Variants in SYNDIG1L observed in about 807,000 individuals in gnomAD.
SYNDIG1L encodes synapse differentiation-inducing gene protein 1-like.
Under a neutral mutation model 20.1 loss-of-function variants are expected in SYNDIG1L, and 13 were observed. The ratio of observed to expected loss-of-function variants is 0.65; its 90% CI spans 0.42 to 1.03. The LOEUF is 1.03. Among genes scored for constraint, SYNDIG1L ranks in the 50% least tolerant of loss-of-function variants. The pLI is 0.00. For missense variants in SYNDIG1L, 294 were observed against 305.1 expected, an observed-to-expected ratio of 0.96 and a Z score of 0.27; for synonymous variants, 128 against 129.3, an observed-to-expected ratio of 0.99 and a Z score of 0.07.
chr14:74,430,424 C>A (rs911053318), upstream of SYNDIG1L, among the ~76,000 whole-genome samples: 1 of 142,216 alleles, frequency 7.0e-6, no homozygotes, highest in Non-Finnish European at 1.5e-5. Context: ...TGAAAATGAG[C>A]GGAAGAATAC....
the SYNDIG1L span, among the ~76,000 whole-genome samples, chr14:74,431,603 C>A: frequency 6.6e-6 from 1 of 152,134 alleles, no homozygotes; most frequent in South Asian, 2.1e-4. Flanking sequence ...AATGACTGGG[C>A]AAGATTTGAA....
the SYNDIG1L span, among the ~76,000 whole-genome samples, chr14:74,471,459 G>A: frequency 4.6e-5 from 7 of 152,118 alleles, no homozygotes; most frequent in Non-Finnish European, 8.8e-5. Context: ...TTAGCCAGGT[G>A]TGGTGGCACA....
upstream of SYNDIG1L, chr14:74,426,238 C>T (rs1431122902): frequency 6.5e-6 from 1 of 152,994 alleles, no homozygotes; most frequent in Non-Finnish European, 1.5e-5. Context: ...GGTCCCCCTC[C>T]TTCCCGCCTC....
intron 1 of SYNDIG1L, among the ~76,000 whole-genome samples, chr14:74,415,582 C>T (rs1330281122): frequency 6.6e-6 from 1 of 151,918 alleles, no homozygotes; most frequent in Non-Finnish European, 1.5e-5. Context: ...ATTCTGTTTC[C>T]CAGACTGGAG....
the SYNDIG1L span, among the ~76,000 whole-genome samples, chr14:74,477,686 G>A: frequency 1.3e-5 from 2 of 152,184 alleles, no homozygotes; most frequent in East Asian, 3.9e-4. Context: ...CTGGAGATAT[G>A]AGGTGTTGGG....
chr14:74,451,642 T>C, the SYNDIG1L span, among the ~76,000 whole-genome samples: 3 of 152,158 alleles, frequency 2.0e-5, no homozygotes, highest in African/African-American at 7.2e-5. Flanking sequence ...AAGCCATTGT[T>C]TGGGAGAAAA....
the SYNDIG1L span, among the ~76,000 whole-genome samples, chr14:74,477,200 T>G: frequency 6.7e-6 from 1 of 149,566 alleles, no homozygotes; most frequent in Non-Finnish European, 1.5e-5. Flanking sequence ...AACCTCTATT[T>G]CCTGTTCTGT....
At position 74,409,471 on chromosome 14, in the gene SYNDIG1L, T is replaced by C; in HGVS notation, c.274A>G (p.Thr92Ala). The change falls in exon 2 of 4, where the codon ACA becomes GCA. Residue 92 changes from threonine (T) to alanine (A), a missense_variant. Physicochemically the swap from Thr to Ala is moderately conservative, Grantham distance 58 (BLOSUM62 0). Coordinates refer to ENST00000331628, the MANE Select transcript of SYNDIG1L (RefSeq NM_001105579.2). ...CCCTCCTGGGGCTCCCTGTCCTCTG[T>C]GAAGCTTGTCTCACAGCTGCCTGCC... ...PRAGSCETSF[T>A]EDREPQEGPP... 1 of 1,613,550 alleles carries C rather than the reference T, an allele frequency of 6.2e-7. No homozygotes were observed. The highest frequency in any genetic ancestry group is 8.5e-7 in the Non-Finnish European group (1 of 1,179,778).
rs1280221806 is a variant in SYNDIG1L, at chr14:74,407,256, G to C, written c.*279C>G. 5.7e-6 allele frequency: 3 copies of C among 530,270 alleles called. No homozygotes were observed. Among genetic ancestry groups the C allele is most frequent in the Admixed American group, 3.3e-5 (1 of 30,440 alleles). The allele number at this position is 530,270 out of a possible 1,614,324, so 32.8% of individuals were successfully genotyped here. On this transcript the variant is annotated 3_prime_UTR_variant, in exon 4 of 4. Transcript: ENST00000331628. ...GAATGGGCAGAATGGATGGAGCTAGGCCCTGCTGGGATGGCCTGGTGGGCA... is the reference window on the plus strand; with the variant it reads ...GAATGGGCAGAATGGATGGAGCTAGCCCCTGCTGGGATGGCCTGGTGGGCA...
chr14:74,419,306 T>C (rs968465743), intron 1 of SYNDIG1L, among the ~76,000 whole-genome samples: 23 of 152,240 alleles, frequency 1.5e-4, no homozygotes, highest in African/African-American at 5.5e-4. Flanking sequence ...TTCACCAGAC[T>C]GTGAGCTCCA....
chr14:74,407,133 G>T lies in SYNDIG1L; in HGVS notation c.*402C>A. The T allele has an allele frequency of 4.3e-6, 1 of 233,926 alleles. No individual in the cohort carries two copies. 14.5% of individuals were successfully genotyped at this position (233,926 alleles called of 1,614,324 possible). ...ATTGGGACGGGTCCCCTTGTGCTCT[G>T]GGCACCCCCTTTTCTCCCTGTAACC... On this transcript the variant is annotated 3_prime_UTR_variant, in exon 4 of 4. Transcript: ENST00000331628.
At chr14:74,432,416 G>C in the SYNDIG1L span, among the ~76,000 whole-genome samples, 1 of 152,286 alleles carries the variant, frequency 6.6e-6, no homozygotes, top group Non-Finnish European at 1.5e-5. Flanking sequence ...TCCCAAGCCT[G>C]TTATTCCAGC....
chr14:74,478,626 G>C, the SYNDIG1L span, among the ~76,000 whole-genome samples: 1 of 152,156 alleles, frequency 6.6e-6, no homozygotes, highest in African/African-American at 2.4e-5. Flanking sequence ...AATCTTCTGG[G>C]AATAGGGAGA....
At chr14:74,416,928 GCTCAC>G (rs1374088155) in intron 1 of SYNDIG1L, among the ~76,000 whole-genome samples, 3 of 152,210 alleles carry the variant, frequency 2.0e-5, no homozygotes, top group Admixed American at 1.3e-4. Context: ...AGTTGTAGGT[GCTCAC>G]AGCACACAGC....
the SYNDIG1L span, among the ~76,000 whole-genome samples, chr14:74,460,270 G>A: frequency 0.023 from 3,575 of 152,178 alleles, 171 homozygotes; most frequent in African/African-American, 0.082. Context: ...TGGTGCTGCC[G>A]TGGATCCGTC....
chr14:74,453,385 A>T, the SYNDIG1L span, among the ~76,000 whole-genome samples: 1 of 66,474 alleles, frequency 1.5e-5, no homozygotes, highest in Non-Finnish European at 3.6e-5. Context: ...AAAAAAAAAA[A>T]AAAAAAGAAG....
the SYNDIG1L span, among the ~76,000 whole-genome samples, chr14:74,478,476 C>T: frequency 6.6e-6 from 1 of 152,152 alleles, no homozygotes; most frequent in Non-Finnish European, 1.5e-5. Context: ...ATCAATTCTC[C>T]CTGAAGTAGG....
the SYNDIG1L span, among the ~76,000 whole-genome samples, chr14:74,431,745 CTTCA>C: frequency 1.3e-5 from 2 of 152,200 alleles, no homozygotes; most frequent in East Asian, 3.9e-4. Context: ...GAGGAAATAA[CTTCA>C]AAATGTACAG....
Position 74,407,429 on chromosome 14 carries a change from C to G in SYNDIG1L, c.*106G>C. The G allele has an allele frequency of 6.6e-7, 1 of 1,507,060 alleles. No homozygotes were observed. The highest frequency in any genetic ancestry group is 1.8e-5 in the Admixed American group (1 of 56,720). The allele number at this position is 1,507,060 out of a possible 1,614,324, so 93.4% of individuals were successfully genotyped here. A position where few individuals can be genotyped will look rare whatever the true frequency, so the allele number is the denominator to read the frequency against. On this transcript the variant is annotated 3_prime_UTR_variant, in exon 4 of 4. Coordinates refer to ENST00000331628, the MANE Select transcript of SYNDIG1L (RefSeq NM_001105579.2). ...GGTCTCCCCCTCAGCAAGCCACTCT[C>G]ACGGGATCATCTTCAGGGGCCGGGC...
Sources: gnomAD v4.1 joint callset for allele counts (sites outside exome capture counted in the v4.1 genomes callset) on GRCh38, gnomAD v4.1.1 for gene constraint, MANE v1.5 for transcripts, NCBI Gene and HGNC (gene_info 2026-07-23, HGNC 2026-07-21) for gene names.